PRKG1: variants seen among roughly 807,000 people sequenced by gnomAD.
PRKG1 encodes protein kinase cGMP-dependent 1.
Under a neutral mutation model 88.1 loss-of-function variants are expected in PRKG1, and 35 were observed. The observed-to-expected ratio is 0.40, with a 90% CI of 0.30 to 0.53. PRKG1 has a LOEUF of 0.53. Among genes scored for constraint, PRKG1 ranks in the 20% least tolerant of loss-of-function variants. The probability of loss-of-function intolerance (pLI) is 0.59; values close to 1 mark genes in which losing one functional copy is unlikely to be tolerated. For missense variants in PRKG1, 540 were observed against 839.8 expected (o/e 0.64, Z 4.41); for synonymous variants, 303 against 292.5 (o/e 1.04, Z -0.37).
At chr10:52,034,831 C>T (rs893124917) in intron 5 of PRKG1, among the ~76,000 whole-genome samples, 1 of 152,114 alleles carries the variant, frequency 6.6e-6, no homozygotes, top group African/African-American at 2.4e-5. Context: ...AGACTGGGGC[C>T]TAATAAAAAG....
chr10:51,815,015 A>T (rs10999602), intron 4 of PRKG1, among the ~76,000 whole-genome samples: 2 of 151,956 alleles, frequency 1.3e-5, no homozygotes, highest in African/African-American at 2.4e-5. Flanking sequence ...CTAAGTCCTC[A>T]GCTAAGGGAC....
chr10:52,149,488 T>A lies in PRKG1; in HGVS notation c.1002-12401T>A, dbSNP rs1289700334. ...AGGGCCTTTCAAAAGGTATAATAAT[T>A]AAGGTTAAATGAGGTCATAAGGGTG... On this transcript the variant is annotated intron_variant, in intron 8 of 17. Coordinates refer to ENST00000373980, the MANE Select transcript of PRKG1 (RefSeq NM_006258.4). 2.6e-5 allele frequency among the ~76,000 whole-genome samples: 4 copies of A among 151,988 alleles called. No individual in the cohort carries two copies. In the South Asian group the frequency reaches 8.3e-4, roughly 32 times the overall value.
At chr10:51,904,118 A>C (rs1378269578) in intron 4 of PRKG1, among the ~76,000 whole-genome samples, 1 of 152,166 alleles carries the variant, frequency 6.6e-6, no homozygotes, top group Non-Finnish European at 1.5e-5. Context: ...CTATTATATT[A>C]CATTCTAGTG....
At chr10:51,714,567 A>G (rs909481340) in intron 3 of PRKG1, among the ~76,000 whole-genome samples, 3 of 152,206 alleles carry the variant, frequency 2.0e-5, no homozygotes, top group Admixed American at 1.3e-4. Flanking sequence ...AGGCAAAGAA[A>G]TGACCTAAAG....
chr10:51,332,289 C>G (rs548943926), intron 2 of PRKG1, among the ~76,000 whole-genome samples: 2 of 152,176 alleles, frequency 1.3e-5, no homozygotes, highest in East Asian at 3.9e-4. Context: ...AGTTCCATGT[C>G]AGAAAGTGCA....
At chr10:51,994,461 G>A (rs1486159983) in intron 5 of PRKG1, among the ~76,000 whole-genome samples, 4 of 152,066 alleles carry the variant, frequency 2.6e-5, no homozygotes, top group African/African-American at 9.7e-5. Flanking sequence ...TTACCTTTCT[G>A]CCTATCTAAG....
At chr10:51,161,660 TC>T (rs1172784928) in intron 2 of PRKG1, among the ~76,000 whole-genome samples, 1 of 152,190 alleles carries the variant, frequency 6.6e-6, no homozygotes, top group East Asian at 1.9e-4. Flanking sequence ...AAATCGTAGG[TC>T]ACATTAAAAA....
At chr10:51,049,820 AT>A (rs1216706114) in intron 1 of PRKG1, among the ~76,000 whole-genome samples, 1 of 152,104 alleles carries the variant, frequency 6.6e-6, no homozygotes, top group African/African-American at 2.4e-5. Flanking sequence ...TTAAGGTTTT[AT>A]TTTGTAATAA....
intron 2 of PRKG1, among the ~76,000 whole-genome samples, chr10:51,354,712 A>G (rs576728661): frequency 6.0e-4 from 92 of 152,232 alleles, no homozygotes; most frequent in African/African-American, 1.7e-3. Flanking sequence ...TTACTAATCA[A>G]TGTAAGAATC....
At chr10:51,243,114 C>A (rs1230770282) in intron 2 of PRKG1, among the ~76,000 whole-genome samples, 1 of 152,016 alleles carries the variant, frequency 6.6e-6, no homozygotes, top group Non-Finnish European at 1.5e-5. Flanking sequence ...AGAAGGAAGG[C>A]TTTTTGGTGG....
chr10:51,477,817 CAG>C (rs1840241698), intron 3 of PRKG1, among the ~76,000 whole-genome samples: 1 of 151,968 alleles, frequency 6.6e-6, no homozygotes, highest in Non-Finnish European at 1.5e-5. Flanking sequence ...GGCCACGATC[CAG>C]AGACTGGAGG....
At chr10:51,303,185 T>C (rs1245971999) in intron 2 of PRKG1, among the ~76,000 whole-genome samples, 1 of 152,188 alleles carries the variant, frequency 6.6e-6, no homozygotes, top group African/African-American at 2.4e-5. Context: ...TACCATTCTC[T>C]GTCCAACATT....
chr10:51,393,134 T>C (rs1324731885), intron 2 of PRKG1, among the ~76,000 whole-genome samples: 44 of 119,354 alleles, frequency 3.7e-4, no homozygotes, highest in African/African-American at 3.7e-4. Context: ...GTCTCCTCAC[T>C]TCTCAGACGG....
intron 4 of PRKG1, among the ~76,000 whole-genome samples, chr10:51,843,803 G>T (rs1226175854): frequency 2.0e-5 from 3 of 152,036 alleles, no homozygotes; most frequent in Non-Finnish European, 4.4e-5. Flanking sequence ...TAGTGTATTT[G>T]CTAAATAGGT....
chr10:51,185,641 T>A (rs1837466139), intron 2 of PRKG1, among the ~76,000 whole-genome samples: 1 of 151,950 alleles, frequency 6.6e-6, no homozygotes, highest in African/African-American at 2.4e-5. Flanking sequence ...TTTTTAAAAG[T>A]GTAATTACAC....
chr10:52,259,666 C>T (rs981660178), intron 10 of PRKG1, among the ~76,000 whole-genome samples: 16 of 152,054 alleles, frequency 1.1e-4, no homozygotes, highest in Admixed American at 7.9e-4. Flanking sequence ...AGCTCCAGCC[C>T]ACTGCCTTTC....
intron 3 of PRKG1, among the ~76,000 whole-genome samples, chr10:51,620,027 G>T (rs1321479005): frequency 6.6e-6 from 1 of 152,088 alleles, no homozygotes; most frequent in African/African-American, 2.4e-5. Flanking sequence ...CTGTAAGTTG[G>T]CAGACAACCA....
intron 3 of PRKG1, among the ~76,000 whole-genome samples, chr10:51,645,280 G>T (rs1195443315): frequency 2.0e-4 from 30 of 152,098 alleles, no homozygotes. Flanking sequence ...ATAAAGCAGC[G>T]TACATTTCAC....
At chr10:51,945,387 G>A (rs1354374549) in intron 5 of PRKG1, among the ~76,000 whole-genome samples, 1 of 151,310 alleles carries the variant, frequency 6.6e-6, no homozygotes, top group Non-Finnish European at 1.5e-5. Context: ...ACAGCACACT[G>A]ATGGGTCTTG....
Sources: gnomAD v4.1 joint callset for allele counts (sites outside exome capture counted in the v4.1 genomes callset) on GRCh38, gnomAD v4.1.1 for gene constraint, MANE v1.5 for transcripts, NCBI Gene and HGNC (gene_info 2026-07-23, HGNC 2026-07-21) for gene names.